Variants in CNTNAP4 observed in about 807,000 individuals in gnomAD.
CNTNAP4 encodes the protein contactin associated protein family member 4.
A neutral mutation model predicts 148.4 loss-of-function variants in CNTNAP4; 98 were observed. The ratio of observed to expected loss-of-function variants is 0.66; its 90% CI spans 0.56 to 0.78. The LOEUF (loss-of-function observed/expected upper bound fraction) is 0.78. Among genes scored for constraint, CNTNAP4 ranks in the 30% least tolerant of loss-of-function variants. The pLI, the probability that CNTNAP4 is intolerant of heterozygous loss-of-function variation, is 0.00. For synonymous variants in CNTNAP4, 730 were observed against 565.1 expected (o/e 1.29, Z -4.14); for missense variants, 1,935 against 1,565.6 (o/e 1.24, Z -3.98).
rs529697100 is a variant in CNTNAP4 at position 76,505,087 on chromosome 16, A to G, written c.2365+6393A>G. On this transcript the variant is annotated intron_variant, in intron 15 of 23. Transcript: ENST00000611870. ...TTATAATGTTAAACCCACATTTACC[A>G]TATGACCCAGCAATCCCCATCTTAG... Among the ~76,000 whole-genome samples the G allele has an allele frequency of 3.6e-3, 543 of 152,322 alleles. 2 individuals carry two copies. The highest frequency in any genetic ancestry group is 0.012 in the African/African-American group (519 of 41,592).
intron 15 of CNTNAP4, among the ~76,000 whole-genome samples, chr16:76,516,761 A>T (rs966930451): frequency 2.6e-5 from 4 of 152,222 alleles, no homozygotes; most frequent in Non-Finnish European, 4.4e-5. Context: ...AATATGAGTA[A>T]ATCTTCAAAG....
intron 3 of CNTNAP4, among the ~76,000 whole-genome samples, chr16:76,375,149 C>T (rs1178637933): frequency 6.6e-6 from 1 of 152,098 alleles, no homozygotes; most frequent in African/African-American, 2.4e-5. Flanking sequence ...TTACTAGGTG[C>T]AGTGGCTCAT....
intron 2 of CNTNAP4, among the ~76,000 whole-genome samples, chr16:76,347,915 T>C (rs964042003): frequency 6.6e-6 from 1 of 152,076 alleles, no homozygotes; most frequent in Non-Finnish European, 1.5e-5. Flanking sequence ...CTCTGTAGAG[T>C]TGAGAGTTCT....
chr16:76,392,942 G>A (rs569857845), intron 3 of CNTNAP4, among the ~76,000 whole-genome samples: 19 of 152,262 alleles, frequency 1.2e-4, no homozygotes, highest in African/African-American at 3.6e-4. Context: ...CATGCTTTAC[G>A]CCTTTGCATC....
chr16:76,330,330 G>A (rs1451393801), intron 2 of CNTNAP4, among the ~76,000 whole-genome samples: 1 of 152,040 alleles, frequency 6.6e-6, no homozygotes, highest in African/African-American at 2.4e-5. Context: ...TTCCATTGCT[G>A]CTACTGTAAT....
chr16:76,320,545 C>G (rs907770058), intron 2 of CNTNAP4, among the ~76,000 whole-genome samples: 7 of 152,024 alleles, frequency 4.6e-5, no homozygotes, highest in African/African-American at 1.7e-4. Flanking sequence ...CAACAGGAAT[C>G]CAGGAATAGA....
At position 76,386,569 on chromosome 16, in the gene CNTNAP4, G is replaced by T. The variant is rs150543350; in HGVS notation, c.390+31058G>T. On this transcript the variant is annotated intron_variant, in intron 3 of 23. Coordinates refer to ENST00000611870, the MANE Select transcript of CNTNAP4 (RefSeq NM_033401.5). Reference sequence around the variant, plus strand: ...TACAGCTGATTACTGTCTTATTTACGTTAATTTTCCAGAGCCTAACCTGGT... The same window carrying T: ...TACAGCTGATTACTGTCTTATTTACTTTAATTTTCCAGAGCCTAACCTGGT... Among the ~76,000 whole-genome samples, 12 of 152,172 alleles carry T rather than the reference G, an allele frequency of 7.9e-5. No homozygotes were observed. In the East Asian group the frequency reaches 1.9e-3, roughly 25 times the overall value.
intron 2 of CNTNAP4, among the ~76,000 whole-genome samples, chr16:76,341,184 C>G (rs1964441664): frequency 6.6e-6 from 1 of 151,838 alleles, no homozygotes; most frequent in Non-Finnish European, 1.5e-5. Context: ...CTGACATCTT[C>G]CTCAACTTTT....
chr16:76,549,288 C>A (rs985276419), intron 21 of CNTNAP4, among the ~76,000 whole-genome samples: 11 of 152,078 alleles, frequency 7.2e-5, no homozygotes, highest in African/African-American at 2.7e-4. Flanking sequence ...TCTCAAGGTG[C>A]TAAGATGACC....
chr16:76,404,719 T>G (rs996145359), intron 3 of CNTNAP4, among the ~76,000 whole-genome samples: 1 of 152,096 alleles, frequency 6.6e-6, no homozygotes, highest in African/African-American at 2.4e-5. Flanking sequence ...TTAATAGACA[T>G]AGTAAAGATT....
chr16:76,457,171 C>T (rs74474239), intron 8 of CNTNAP4, among the ~76,000 whole-genome samples: 1,699 of 152,248 alleles, frequency 0.011, 34 homozygotes, highest in African/African-American at 0.039. Context: ...CACAGTGGTG[C>T]GGCCCTTGAA....
chr16:76,336,437 C>G (rs1006302645), intron 2 of CNTNAP4, among the ~76,000 whole-genome samples: 1 of 152,124 alleles, frequency 6.6e-6, no homozygotes, highest in African/African-American at 2.4e-5. Flanking sequence ...CAAAGCAAGA[C>G]TTTTCCCCCA....
chr16:76,531,706 A>G (rs1296924539), intron 17 of CNTNAP4, among the ~76,000 whole-genome samples: 1 of 152,174 alleles, frequency 6.6e-6, no homozygotes, highest in Admixed American at 6.6e-5. Flanking sequence ...GCCCAGTCCT[A>G]TTTACATTAG....
At chr16:76,345,549 A>G (rs1964832114) in intron 2 of CNTNAP4, among the ~76,000 whole-genome samples, 2 of 152,106 alleles carry the variant, frequency 1.3e-5, no homozygotes, top group Non-Finnish European at 1.5e-5. Context: ...GTGGAAATAC[A>G]CTGGAGGACA....
intron 2 of CNTNAP4, among the ~76,000 whole-genome samples, chr16:76,326,112 C>G (rs1429967674): frequency 6.6e-6 from 1 of 152,100 alleles, no homozygotes; most frequent in Non-Finnish European, 1.5e-5. Flanking sequence ...AAAATACTCC[C>G]TAACTCATTC....
At chr16:76,531,794 C>T (rs545277659) in intron 17 of CNTNAP4, among the ~76,000 whole-genome samples, 1 of 152,276 alleles carries the variant, frequency 6.6e-6, no homozygotes, top group Non-Finnish European at 1.5e-5. Context: ...ATTCTAAATA[C>T]ATGTATGACA....
chr16:76,333,539 C>T lies in CNTNAP4; in HGVS notation c.196+17016C>T, dbSNP rs992849266. 3.9e-5 allele frequency among the ~76,000 whole-genome samples: 6 copies of T among 152,040 alleles called. No homozygotes were observed. The East Asian group carries it at 5.8e-4, about 15-fold the overall frequency. ...ACATTGTTTCCTTTAGCTCTTTGAG[C>T]GTATTAAAGATAGCTGATTTAAAAT... On this transcript the variant is annotated intron_variant, in intron 2 of 23. Coordinates refer to ENST00000611870, the MANE Select transcript of CNTNAP4 (RefSeq NM_033401.5).
At chr16:76,456,917 T>A (rs1211259965) in intron 8 of CNTNAP4, among the ~76,000 whole-genome samples, 3 of 152,118 alleles carry the variant, frequency 2.0e-5, no homozygotes, top group Non-Finnish European at 4.4e-5. Flanking sequence ...TTTCTCCGTA[T>A]TTAAGGTGAG....
chr16:76,414,760 G>T (rs1257174928), intron 3 of CNTNAP4, among the ~76,000 whole-genome samples: 1 of 151,188 alleles, frequency 6.6e-6, no homozygotes, highest in Non-Finnish European at 1.5e-5. Context: ...CGATTGGTTT[G>T]GAATTTATTT....
Sources: allele counts gnomAD v4.1 joint callset (sites outside exome capture counted in the v4.1 genomes callset), GRCh38; gene constraint gnomAD v4.1.1; transcripts MANE v1.5; gene names NCBI Gene and HGNC (gene_info 2026-07-23, HGNC 2026-07-21).